Variants in WWOX observed in about 807,000 individuals in gnomAD.
WWOX encodes the protein WW domain containing oxidoreductase.
A neutral mutation model predicts 46.2 loss-of-function variants in WWOX; 69 were observed. The ratio of observed to expected loss-of-function variants is 1.49; its 90% CI spans 1.23 to 1.82. The LOEUF is 1.82. Ranked by LOEUF, WWOX falls within the 40% of genes most tolerant of loss-of-function variation. The probability of loss-of-function intolerance (pLI) is 0.00; values close to 1 mark genes in which losing one functional copy is unlikely to be tolerated. For missense variants in WWOX, 919 were observed against 542.6 expected (o/e 1.69, Z -6.89); for synonymous variants, 359 against 202.6 (o/e 1.77, Z -6.56).
chr16:78,955,070 C>G (rs117789113), intron 8 of WWOX, among the ~76,000 whole-genome samples: 1 of 152,166 alleles, frequency 6.6e-6, no homozygotes, highest in Non-Finnish European at 1.5e-5. Flanking sequence ...GGAATGTATT[C>G]TTTCCTGATC....
chr16:79,025,996 T>C (rs2047633046), intron 8 of WWOX, among the ~76,000 whole-genome samples: 2 of 150,416 alleles, frequency 1.3e-5, no homozygotes, highest in African/African-American at 2.5e-5. Context: ...AGATGGGTTT[T>C]AGCCATGTTG....
chr16:78,583,877 G>T (rs1469477393), intron 8 of WWOX, among the ~76,000 whole-genome samples: 2 of 152,214 alleles, frequency 1.3e-5, no homozygotes, highest in African/African-American at 2.4e-5. Context: ...GCTGGTTAGT[G>T]TTGCATACCT....
intron 8 of WWOX, among the ~76,000 whole-genome samples, chr16:78,946,281 C>T (rs1012982548): frequency 6.6e-6 from 1 of 152,188 alleles, no homozygotes; most frequent in East Asian, 1.9e-4. Flanking sequence ...GCCTCCAACT[C>T]CCGGCTCCAG....
At chr16:79,169,832 G>A (rs960553957) in intron 8 of WWOX, among the ~76,000 whole-genome samples, 4 of 152,168 alleles carry the variant, frequency 2.6e-5, no homozygotes, top group African/African-American at 9.7e-5. Context: ...AGTGGGAAAA[G>A]TCTGGTTTGA....
intron 8 of WWOX, among the ~76,000 whole-genome samples, chr16:78,789,715 T>G (rs1273000466): frequency 6.6e-6 from 1 of 152,212 alleles, no homozygotes; most frequent in Non-Finnish European, 1.5e-5. Flanking sequence ...CTTGCATATT[T>G]TTTGAACAGT....
rs569207830 is a variant in WWOX at position 78,691,095 on chromosome 16, A to T, written c.1056+258343A>T. On this transcript the variant is annotated intron_variant, in intron 8 of 8. Transcript: ENST00000566780. ...GTATTAATGACTTCTTTTTGAAAGTAAGAGTGCTTTGAATACCAGTCGTTA... is the reference window on the plus strand; with the variant it reads ...GTATTAATGACTTCTTTTTGAAAGTTAGAGTGCTTTGAATACCAGTCGTTA... The T allele has an allele frequency of 6.5e-6, 4 of 610,856 alleles. No homozygotes were observed. The East Asian group carries it at 1.1e-4, about 17-fold the overall frequency. 37.8% of individuals were successfully genotyped at this position (610,856 alleles called of 1,614,324 possible).
intron 8 of WWOX, among the ~76,000 whole-genome samples, chr16:78,990,423 T>G (rs1247157688): frequency 6.6e-6 from 1 of 152,198 alleles, no homozygotes; most frequent in East Asian, 1.9e-4. Flanking sequence ...AGGGAATGGC[T>G]GTCTAGCTTC....
intron 8 of WWOX, among the ~76,000 whole-genome samples, chr16:79,116,135 G>C (rs2049511187): frequency 6.6e-6 from 1 of 152,188 alleles, no homozygotes; most frequent in Non-Finnish European, 1.5e-5. Context: ...TGAGCCTTCA[G>C]CAAGTTGTCA....
intron 8 of WWOX, among the ~76,000 whole-genome samples, chr16:78,834,164 G>A (rs906224552): frequency 1.9e-4 from 29 of 152,162 alleles, no homozygotes; most frequent in African/African-American, 7.0e-4. Context: ...AACAGGATAG[G>A]AACATTCCCT....
At chr16:78,837,100 G>C (rs775755944) in intron 8 of WWOX, among the ~76,000 whole-genome samples, 4 of 152,052 alleles carry the variant, frequency 2.6e-5, no homozygotes, top group Admixed American at 1.3e-4. Flanking sequence ...GCTTAGGGAG[G>C]GGGGAGAAGA....
Position 78,607,644 on chromosome 16 carries a change from C to T in WWOX, c.1056+174892C>T, listed in dbSNP as rs200627267. Among the ~76,000 whole-genome samples, 318 of 141,558 alleles carry T rather than the reference C, an allele frequency of 2.2e-3. 1 individual carries two copies. Among genetic ancestry groups the T allele is most frequent in the South Asian group, 8.0e-3 (36 of 4,480 alleles). The allele number at this position is 141,558 out of a possible 152,430, so 92.9% of individuals were successfully genotyped here. On this transcript the variant is annotated intron_variant, in intron 8 of 8. Transcript: ENST00000566780. Reference sequence around the variant, plus strand: ...TAAGAGGAGTGACTCATTTGTTCTTCTTTTTTTTTTTTTTGGCTGTCTACA... The same window carrying T: ...TAAGAGGAGTGACTCATTTGTTCTTTTTTTTTTTTTTTTTGGCTGTCTACA...
chr16:78,637,784 G>A (rs1056435647), intron 8 of WWOX, among the ~76,000 whole-genome samples: 1 of 152,176 alleles, frequency 6.6e-6, no homozygotes, highest in African/African-American at 2.4e-5. Context: ...GATGTGTAGG[G>A]GACCTAGGGC....
At chr16:78,710,479 T>TATATATATATATATATAC (rs1228551835) in intron 8 of WWOX, among the ~76,000 whole-genome samples, 16 of 127,320 alleles carry the variant, frequency 1.3e-4, no homozygotes, top group African/African-American at 4.6e-4. Flanking sequence ...ATCTCATATA[T>TATATATATATATATATAC]ATATATATAT....
chr16:78,930,930 A>G (rs960689184), intron 8 of WWOX, among the ~76,000 whole-genome samples: 11 of 152,138 alleles, frequency 7.2e-5, no homozygotes, highest in African/African-American at 2.7e-4. Flanking sequence ...CCCAGGTCCT[A>G]TCACTAACTA....
intron 5 of WWOX, among the ~76,000 whole-genome samples, chr16:78,376,371 C>T (rs2081826110): frequency 6.6e-6 from 1 of 152,162 alleles, no homozygotes; most frequent in Non-Finnish European, 1.5e-5. Context: ...GATGTTTTTA[C>T]ATGGGTAGAA....
chr16:78,861,366 T>TCTTTAA (rs752467421), intron 8 of WWOX, among the ~76,000 whole-genome samples: 92 of 152,352 alleles, frequency 6.0e-4, no homozygotes, highest in Non-Finnish European at 1.1e-3. Context: ...TGGCTCCAGC[T>TCTTTAA]TATTATTTTA....
At chr16:78,760,414 A>T (rs2049763448) in intron 8 of WWOX, among the ~76,000 whole-genome samples, 1 of 152,194 alleles carries the variant, frequency 6.6e-6, no homozygotes, top group Non-Finnish European at 1.5e-5. Flanking sequence ...CAAGGTCCTT[A>T]ACTTAATCAC....
chr16:78,668,639 G>A (rs576777368), intron 8 of WWOX, among the ~76,000 whole-genome samples: 7 of 152,142 alleles, frequency 4.6e-5, no homozygotes, highest in Non-Finnish European at 1.0e-4. Flanking sequence ...GTGACAGCAG[G>A]GGGTGAGGAT....
At chr16:79,024,217 C>G (rs959620498) in intron 8 of WWOX, among the ~76,000 whole-genome samples, 2 of 152,196 alleles carry the variant, frequency 1.3e-5, no homozygotes, top group Non-Finnish European at 2.9e-5. Context: ...CTAAAAACCA[C>G]TGAACTGTAC....
Sources: allele counts gnomAD v4.1 joint callset (sites outside exome capture counted in the v4.1 genomes callset), GRCh38; gene constraint gnomAD v4.1.1; transcripts MANE v1.5; gene names NCBI Gene and HGNC (gene_info 2026-07-23, HGNC 2026-07-21).